Variants in SRP19 observed in about 807,000 individuals in gnomAD.
The protein encoded by SRP19 is signal recognition particle 19 kDa protein.
SRP19 carries 11 observed loss-of-function variants against 22.4 expected under a neutral mutation model. That is an observed-to-expected ratio of 0.49 (90% CI 0.31 to 0.81). The LOEUF is 0.81. SRP19 is among the 40% of genes least tolerant of loss of function. The pLI is 0.05. For synonymous variants in SRP19, 61 were observed against 57.6 expected (o/e 1.06, Z -0.27); for missense variants, 168 against 175.9 (o/e 0.96, Z 0.25).
At chr5:112,880,966 T>C (rs1768056121) in intron 4 of SRP19, among the ~76,000 whole-genome samples, 2 of 151,910 alleles carry the variant, frequency 1.3e-5, no homozygotes, top group South Asian at 4.2e-4. Flanking sequence ...GTGTCTCTAC[T>C]AAAAATACAA....
At chr5:112,864,991 T>C (rs1767543855) in intron 4 of SRP19, 3 of 291,122 alleles carry the variant, frequency 1.0e-5, no homozygotes, top group Admixed American at 9.8e-5. Flanking sequence ...TGGAAGTCTG[T>C]CATTGCTCCC....
exon 5 of SRP19, chr5:112,892,488 A>G (rs780068872): frequency 2.5e-6 from 4 of 1,614,108 alleles, no homozygotes; most frequent in Non-Finnish European, 3.4e-6. Context: ...AGTCGGAAGA[A>G]GAATGCCAAG....
At chr5:112,896,589 G>A (rs1768687271), downstream of SRP19, 1 of 152,106 alleles carries the variant, frequency 6.6e-6, no homozygotes, top group South Asian at 2.1e-4. Flanking sequence ...AATAGCACAG[G>A]TGACAATTCA....
rs1193714124 is a variant in SRP19 at position 112,892,132 on chromosome 5, G to A, written c.*525G>A. ...CACATGGCAAAACCCAGAACCACCC[G>A]TGGATTTCAGAGTAATGGAGAAGGA... On this transcript the variant is annotated 3_prime_UTR_variant, in exon 5 of 5. Transcript: ENST00000391338. 11 of 1,614,036 alleles carry A rather than the reference G, an allele frequency of 6.8e-6. No individual in the cohort carries two copies. In the East Asian group the frequency reaches 8.9e-5, roughly 13 times the overall value.
intron 4 of SRP19, among the ~76,000 whole-genome samples, chr5:112,884,785 C>G (rs955255185): frequency 6.6e-6 from 1 of 151,710 alleles, no homozygotes; most frequent in South Asian, 2.1e-4. Context: ...CTTGGCCCCC[C>G]CCCATCTTTC....
intron 2 of SRP19, among the ~76,000 whole-genome samples, chr5:112,864,158 T>G (rs1167385694): frequency 6.6e-6 from 1 of 152,228 alleles, no homozygotes; most frequent in Non-Finnish European, 1.5e-5. Flanking sequence ...CAATAATCAT[T>G]GAGCACCTAC....
chr5:112,892,707 T>G, exon 5 of SRP19: 1 of 1,613,890 alleles, frequency 6.2e-7, no homozygotes, highest in Non-Finnish European at 8.5e-7. Flanking sequence ...TGTCTTCAGA[T>G]CAGACTGGCT....
chr5:112,894,362 A>T (rs953246314), downstream of SRP19: 1 of 152,132 alleles, frequency 6.6e-6, no homozygotes. Flanking sequence ...TGATCTGCCC[A>T]CCTTGGCCTC....
chr5:112,878,897 T>G, intron 4 of SRP19: 1 of 1,612,922 alleles, frequency 6.2e-7, no homozygotes, highest in Non-Finnish European at 8.5e-7. Flanking sequence ...AATGCAAGCT[T>G]GCAAGCTTTG....
chr5:112,883,279 T>G (rs1768133032), intron 4 of SRP19, among the ~76,000 whole-genome samples: 1 of 152,074 alleles, frequency 6.6e-6, no homozygotes, highest in African/African-American at 2.4e-5. Flanking sequence ...CAATCAGGAG[T>G]TTGATATCAC....
intron 1 of SRP19, among the ~76,000 whole-genome samples, chr5:112,861,846 T>G (rs566855496): frequency 1.3e-5 from 2 of 152,360 alleles, no homozygotes; most frequent in East Asian, 3.9e-4. Context: ...CTGCTCTGTC[T>G]AATGTAACAG....
intron 4 of SRP19, among the ~76,000 whole-genome samples, chr5:112,884,079 A>ACCC (rs1214348986): frequency 6.6e-6 from 1 of 152,196 alleles, no homozygotes; most frequent in African/African-American, 2.4e-5. Flanking sequence ...TTCCTGCCTT[A>ACCC]CCCCTTCAGT....
At chr5:112,880,785 T>A (rs1446251205) in intron 4 of SRP19, among the ~76,000 whole-genome samples, 2 of 152,166 alleles carry the variant, frequency 1.3e-5, no homozygotes. Flanking sequence ...CACCACAGGT[T>A]GCTGATTAGG....
intron 4 of SRP19, among the ~76,000 whole-genome samples, chr5:112,865,697 G>A (rs1234429332): frequency 5.3e-5 from 8 of 151,788 alleles, no homozygotes; most frequent in Non-Finnish European, 8.8e-5. Flanking sequence ...TGGTTCAAGC[G>A]ATTCTCCTGT....
At chr5:112,885,281 G>C (rs1768208380) in intron 4 of SRP19, 1 of 172,456 alleles carries the variant, frequency 5.8e-6, no homozygotes, top group Admixed American at 6.5e-5. Context: ...GCCAGAGACA[G>C]AAAGCAAGCT....
chr5:112,872,693 G>A (rs1268884030), downstream of SRP19, among the ~76,000 whole-genome samples: 2 of 152,074 alleles, frequency 1.3e-5, no homozygotes, highest in African/African-American at 4.8e-5. Context: ...TAGACCTAGT[G>A]CACAACTTCA....
downstream of SRP19, among the ~76,000 whole-genome samples, chr5:112,870,276 C>T (rs1230122263): frequency 1.3e-5 from 2 of 152,084 alleles, no homozygotes; most frequent in Non-Finnish European, 2.9e-5. Flanking sequence ...CACTGAAGTC[C>T]AGGAAGTCGG....
At chr5:112,892,536 A>G (rs1768509689) in exon 5 of SRP19, 1 of 1,614,106 alleles carries the variant, frequency 6.2e-7, no homozygotes, top group South Asian at 1.1e-5. Flanking sequence ...GGTATGCAGG[A>G]CGACAGCTGC....
downstream of SRP19, chr5:112,895,374 T>G (rs568727708): frequency 6.6e-6 from 1 of 151,898 alleles, no homozygotes; most frequent in Non-Finnish European, 1.5e-5. Context: ...AAGTGTACAA[T>G]AGAATAGTAG....
Sources: gnomAD v4.1 joint callset for allele counts (sites outside exome capture counted in the v4.1 genomes callset) on GRCh38, gnomAD v4.1.1 for gene constraint, MANE v1.5 for transcripts, NCBI Gene and HGNC (gene_info 2026-07-23, HGNC 2026-07-21) for gene names.